ERICH2: variants seen among roughly 807,000 people sequenced by gnomAD.
ERICH2 encodes glutamate rich 2.
Under a neutral mutation model 17.4 loss-of-function variants are expected in ERICH2, and 17 were observed. That is an observed-to-expected ratio of 0.98 (90% CI 0.67 to 1.47). The LOEUF (loss-of-function observed/expected upper bound fraction) is 1.47, where lower values mean the gene tolerates loss of function less well. Among genes scored for constraint, ERICH2 ranks in the 40% most tolerant of loss-of-function variants. The pLI is 0.00. For synonymous variants in ERICH2, 51 were observed against 61.1 expected, an observed-to-expected ratio of 0.83 and a Z score of 0.77; for missense variants, 186 against 183.2, an observed-to-expected ratio of 1.01 and a Z score of -0.09.
At chr2:170,790,221 C>T (rs11675773) in intron 2 of ERICH2, among the ~76,000 whole-genome samples, 104,159 of 152,234 alleles carry the variant, frequency 0.68, 35,767 homozygotes, top group East Asian at 0.79. Flanking sequence ...TTCAGCTGGG[C>T]GTGGTGGCTC....
At chr2:170,798,910 T>G in exon 5 of ERICH2, 1 of 1,549,750 alleles carries the variant, frequency 6.5e-7, no homozygotes, top group Non-Finnish European at 8.7e-7. Context: ...GCTGCAATAC[T>G]TGAAGCTTCA....
At chr2:170,771,912 A>T in the ERICH2 span, among the ~76,000 whole-genome samples, 1 of 152,298 alleles carries the variant, frequency 6.6e-6, no homozygotes, top group Non-Finnish European at 1.5e-5. The surrounding 1 kb of genome is among the most constrained non-coding windows in gnomAD (Gnocchi z 4.8). Flanking sequence ...ACCCTAGGAG[A>T]ACCCCTGGAA....
intron 1 of ERICH2, 119 bp from the exon 7 acceptor site, chr2:170,784,527 A>C (rs1701104982): frequency 1.9e-6 from 1 of 522,298 alleles, no homozygotes; most frequent in Middle Eastern, 5.3e-4. Context: ...TAAGTTTGTT[A>C]TGATAATTAT....
intron 3 of ERICH2, among the ~76,000 whole-genome samples, chr2:170,793,606 G>A (rs1701343081): frequency 6.6e-6 from 1 of 152,186 alleles, no homozygotes; most frequent in Non-Finnish European, 1.5e-5. Flanking sequence ...GAATAGTGAG[G>A]AGGACAGTGT....
upstream of ERICH2, among the ~76,000 whole-genome samples, chr2:170,781,156 G>A (rs562116225): frequency 6.6e-6 from 1 of 152,182 alleles, no homozygotes; most frequent in South Asian, 2.1e-4. Flanking sequence ...TTAGTGCATG[G>A]GACCACTAAC....
At chr2:170,774,248 T>G in the ERICH2 span, among the ~76,000 whole-genome samples, 3 of 152,174 alleles carry the variant, frequency 2.0e-5, no homozygotes, top group South Asian at 6.2e-4. Flanking sequence ...CTTGTCTCAA[T>G]CACAGTAAAG....
the ERICH2 span, among the ~76,000 whole-genome samples, chr2:170,775,468 C>G: frequency 1.3e-3 from 201 of 151,962 alleles, no homozygotes; most frequent in South Asian, 4.6e-3. Flanking sequence ...AAATGTGATG[C>G]TGTACATCAC....
chr2:170,771,974 T>A, the ERICH2 span, among the ~76,000 whole-genome samples: 3 of 152,268 alleles, frequency 2.0e-5, no homozygotes, highest in African/African-American at 7.2e-5. This position sits in a 1 kb window ranked among gnomAD's most constrained non-coding sequence, Gnocchi z 4.8. Flanking sequence ...TTAATATGTT[T>A]CATTTTTCTA....
At chr2:170,772,296 G>C in the ERICH2 span, among the ~76,000 whole-genome samples, 12 of 152,150 alleles carry the variant, frequency 7.9e-5, no homozygotes, top group Admixed American at 2.6e-4. Flanking sequence ...TTCACCTTCA[G>C]GACTGGCCTC....
At chr2:170,773,527 T>G in the ERICH2 span, among the ~76,000 whole-genome samples, 1 of 152,220 alleles carries the variant, frequency 6.6e-6, no homozygotes, top group African/African-American at 2.4e-5. Context: ...GAAATTACAT[T>G]GTAGCCCCTT....
the ERICH2 span, among the ~76,000 whole-genome samples, chr2:170,776,009 G>A: frequency 6.6e-6 from 1 of 152,042 alleles, no homozygotes; most frequent in Non-Finnish European, 1.5e-5. Context: ...AAGTGTTAGA[G>A]GGGTGAGGAA....
upstream of ERICH2, chr2:170,779,928 C>G (rs1700989332): frequency 3.2e-6 from 2 of 629,756 alleles, no homozygotes; most frequent in South Asian, 1.4e-4. Flanking sequence ...CCATGTTTGA[C>G]AAGTATAAAT....
At chr2:170,796,428 G>GTTTTTTTTTTTTTTT in intron 3 of ERICH2, among the ~76,000 whole-genome samples, 1 of 114,554 alleles carries the variant, frequency 8.7e-6, no homozygotes, top group Non-Finnish European at 1.8e-5. Context: ...CTCTCTCTTT[G>GTTTTTTTTTTTTTTT]TTTTTTTTTT....
intron 1 of ERICH2, among the ~76,000 whole-genome samples, chr2:170,784,135 C>T (rs1472789507): frequency 6.6e-6 from 1 of 152,142 alleles, no homozygotes; most frequent in Non-Finnish European, 1.5e-5. Flanking sequence ...ATCTCAGAGA[C>T]TTCCCAGGCA....
At chr2:170,781,351 G>C (rs896641919), upstream of ERICH2, among the ~76,000 whole-genome samples, 11 of 152,058 alleles carry the variant, frequency 7.2e-5, no homozygotes, top group Non-Finnish European at 1.2e-4. Context: ...AAGAGACTTG[G>C]GGGGCTGGGC....
At chr2:170,783,590 G>A (rs1701079619), upstream of ERICH2, among the ~76,000 whole-genome samples, 1 of 152,106 alleles carries the variant, frequency 6.6e-6, no homozygotes, top group Non-Finnish European at 1.5e-5. Flanking sequence ...AAACACATAA[G>A]TAAGGTAATT....
At chr2:170,790,617 A>C (rs1701267537) in intron 2 of ERICH2, among the ~76,000 whole-genome samples, 1 of 151,950 alleles carries the variant, frequency 6.6e-6, no homozygotes, top group African/African-American at 2.4e-5. Context: ...ATAGAGCAAG[A>C]CTCTGCCTCC....
rs1168916323 is a variant in ERICH2, at chr2:170,783,800, G to C, written c.-39G>C. 1.9e-6 allele frequency: 3 copies of C among 1,550,232 alleles called. No homozygotes were observed. In the African/African-American group the frequency reaches 4.1e-5, roughly 21 times the overall value. On this transcript the variant is annotated 5_prime_UTR_variant, in exon 1 of 5. Coordinates refer to ENST00000409885, the Ensembl canonical transcript of ERICH2. ...ATCAGTGCATTGAGTCAGTCTACAG[G>C]CTAGGTGCACACTGGACAGTCAGGG...
intron 2 of ERICH2, among the ~76,000 whole-genome samples, chr2:170,790,715 A>G (rs1701269866): frequency 6.6e-6 from 1 of 151,916 alleles, no homozygotes; most frequent in South Asian, 2.1e-4. Flanking sequence ...GAGGCAGGAG[A>G]ATCACTTGAA....
Sources: allele counts gnomAD v4.1 joint callset (sites outside exome capture counted in the v4.1 genomes callset), GRCh38; gene constraint gnomAD v4.1.1; non-coding constraint Gnocchi (gnomAD v3.1); transcripts MANE v1.5; gene names NCBI Gene and HGNC (gene_info 2026-07-23, HGNC 2026-07-21).